The following CELF4 variants were observed in gnomAD, a reference collection of about 807,000 sequenced individuals.
CELF4 encodes CUG-BP- and ETR-3-like factor 4.
Under a neutral mutation model 59.9 loss-of-function variants are expected in CELF4, and 18 were observed. That is an observed-to-expected ratio of 0.30 (90% CI 0.21 to 0.45). CELF4 has a LOEUF of 0.45. CELF4 is among the 20% of genes least tolerant of loss of function. CELF4 has a pLI of 1.00. For synonymous variants in CELF4, 261 were observed against 267.1 expected, an observed-to-expected ratio of 0.98 and a Z score of 0.22; for missense variants, 456 against 689.0, an observed-to-expected ratio of 0.66 and a Z score of 3.79.
rs1189254697 is a variant in CELF4 at position 37,253,955 on chromosome 18, G to A, written c.1334-17C>T. 4 of 1,586,142 alleles carry A rather than the reference G, an allele frequency of 2.5e-6. No individual in the cohort carries two copies. The highest frequency in any genetic ancestry group is 3.4e-6 in the Non-Finnish European group (4 of 1,165,968). On this transcript the variant is annotated splice_polypyrimidine_tract_variant and intron_variant, in intron 11 of 12. Coordinates refer to ENST00000420428, the MANE Select transcript of CELF4 (RefSeq NM_020180.4). The surrounding 1 kb of genome is among the most constrained non-coding windows in gnomAD (Gnocchi z 4.5). ...TCACGAAGCCTGGCGAGACACGAGG[G>A]ACGAGGGCCTGGGTTTCCACGGGGC...
chr18:37,349,683 C>T (rs548904928), intron 2 of CELF4, among the ~76,000 whole-genome samples: 12 of 152,250 alleles, frequency 7.9e-5, no homozygotes, highest in East Asian at 1.9e-4. Flanking sequence ...CAGACAGCAG[C>T]GTGGGCCAGC....
At chr18:37,434,423 G>T (rs1353986269) in intron 2 of CELF4, among the ~76,000 whole-genome samples, 1 of 152,174 alleles carries the variant, frequency 6.6e-6, no homozygotes, top group African/African-American at 2.4e-5. Context: ...CGGCTTGTTG[G>T]TCAGGGGCTG....
At chr18:37,496,124 G>A (rs925587066) in intron 1 of CELF4, among the ~76,000 whole-genome samples, 5 of 152,118 alleles carry the variant, frequency 3.3e-5, no homozygotes, top group Non-Finnish European at 7.4e-5. Context: ...CCTTTGAACC[G>A]TGTTCAAGCT....
intron 3 of CELF4, among the ~76,000 whole-genome samples, chr18:37,320,075 C>A (rs1048319596): frequency 2.6e-5 from 4 of 152,194 alleles, no homozygotes; most frequent in African/African-American, 9.6e-5. Flanking sequence ...CGGTGGCTCA[C>A]GCCTGTAATC....
At position 37,374,679 on chromosome 18, in the gene CELF4, G is replaced by C. The variant is rs561434248; in HGVS notation, c.370-52798C>G. 3.3e-5 allele frequency among the ~76,000 whole-genome samples: 5 copies of C among 152,272 alleles called. No individual in the cohort carries two copies. The East Asian group carries it at 9.7e-4, about 30-fold the overall frequency. The stretch of plus-strand genomic sequence containing the variant: ...TTCTGAGTCAGTCTCTGATGGAAAA[G>C]CCTTAGGAAGACCATCGTGTCCCTT... On this transcript the variant is annotated intron_variant, in intron 2 of 12. Coordinates refer to ENST00000420428, the MANE Select transcript of CELF4 (RefSeq NM_020180.4).
intron 1 of CELF4, among the ~76,000 whole-genome samples, chr18:37,547,508 G>A (rs1348347915): frequency 6.6e-6 from 1 of 152,158 alleles, no homozygotes; most frequent in East Asian, 1.9e-4. Flanking sequence ...GTGGCTCTTG[G>A]AAGGCCTGCC....
intron 1 of CELF4, among the ~76,000 whole-genome samples, chr18:37,494,022 C>G (rs992051094): frequency 6.6e-6 from 1 of 152,170 alleles, no homozygotes; most frequent in Non-Finnish European, 1.5e-5. Context: ...AGATTTGAAT[C>G]TCCCAGGAAA....
intron 2 of CELF4, among the ~76,000 whole-genome samples, chr18:37,419,920 G>A (rs1045780886): frequency 7.9e-5 from 12 of 152,232 alleles, no homozygotes; most frequent in African/African-American, 2.2e-4. Flanking sequence ...CGAGGTCGGC[G>A]GGAAGGGTGT....
intron 2 of CELF4, among the ~76,000 whole-genome samples, chr18:37,399,087 G>A (rs1015970555): frequency 1.3e-5 from 2 of 152,140 alleles, no homozygotes; most frequent in African/African-American, 2.4e-5. Flanking sequence ...GGTGAATAAC[G>A]CACAGGAGAT....
intron 2 of CELF4, among the ~76,000 whole-genome samples, chr18:37,380,642 C>T (rs1443533480): frequency 8.0e-6 from 1 of 124,558 alleles, no homozygotes; most frequent in African/African-American, 3.1e-5. Flanking sequence ...TCCATTTATC[C>T]ATCCATCCAT....
At chr18:37,326,833 C>T (rs1459868894) in intron 2 of CELF4, among the ~76,000 whole-genome samples, 1 of 152,210 alleles carries the variant, frequency 6.6e-6, no homozygotes, top group African/African-American at 2.4e-5. Flanking sequence ...CTTCCCCCTC[C>T]CCATCCCTCT....
intron 2 of CELF4, among the ~76,000 whole-genome samples, chr18:37,423,080 A>ACACT (rs1390254255): frequency 7.2e-6 from 1 of 139,106 alleles, no homozygotes; most frequent in Non-Finnish European, 1.6e-5. Flanking sequence ...ACACACACAC[A>ACACT]CAGAGACAGA....
intron 2 of CELF4, among the ~76,000 whole-genome samples, chr18:37,465,225 G>A (rs1299392563): frequency 6.6e-6 from 1 of 152,098 alleles, no homozygotes; most frequent in Non-Finnish European, 1.5e-5. Flanking sequence ...GATTTCCAGA[G>A]GATCTTAGTG....
intron 2 of CELF4, among the ~76,000 whole-genome samples, chr18:37,383,050 GTATGTA>G (rs1350650645): frequency 6.7e-6 from 1 of 150,066 alleles, no homozygotes; most frequent in Non-Finnish European, 1.5e-5. Context: ...ATGTATGTAT[GTATGTA>G]TGTATTATTT....
intron 2 of CELF4, among the ~76,000 whole-genome samples, chr18:37,352,018 G>A (rs931884402): frequency 1.3e-5 from 2 of 152,222 alleles, no homozygotes; most frequent in Non-Finnish European, 2.9e-5. Context: ...AGTGAAGTCT[G>A]TCTGAGTACA....
chr18:37,332,452 T>C (rs949348999), intron 2 of CELF4, among the ~76,000 whole-genome samples: 3 of 152,196 alleles, frequency 2.0e-5, no homozygotes, highest in African/African-American at 4.8e-5. Flanking sequence ...TGACATAGCC[T>C]GCTGGTGGGC....
At chr18:37,341,026 A>G (rs2098002394) in intron 2 of CELF4, among the ~76,000 whole-genome samples, 1 of 152,252 alleles carries the variant, frequency 6.6e-6, no homozygotes, top group African/African-American at 2.4e-5. Context: ...TGCTTAAAGT[A>G]GGGATGGTGA....
intron 1 of CELF4, among the ~76,000 whole-genome samples, chr18:37,502,790 G>A (rs1232879471): frequency 5.3e-5 from 8 of 152,138 alleles, no homozygotes; most frequent in Non-Finnish European, 1.2e-4. Context: ...CCACCAATCA[G>A]CCAAGGCCTC....
chr18:37,444,951 C>T (rs2099744171), intron 2 of CELF4, among the ~76,000 whole-genome samples: 1 of 152,142 alleles, frequency 6.6e-6, no homozygotes, highest in Non-Finnish European at 1.5e-5. Context: ...GGCTCCTGGG[C>T]TTGCGGCCTG....
Sources: gnomAD v4.1 joint callset for allele counts (sites outside exome capture counted in the v4.1 genomes callset) on GRCh38, gnomAD v4.1.1 for gene constraint, Gnocchi (gnomAD v3.1) non-coding constraint, MANE v1.5 for transcripts, NCBI Gene and HGNC (gene_info 2026-07-23, HGNC 2026-07-21) for gene names.